The following ATP6V1H variants were observed in gnomAD, a reference collection of about 807,000 sequenced individuals.
ATP6V1H encodes the protein ATPase H+ transporting V1 subunit H.
Under a neutral mutation model 71.7 loss-of-function variants are expected in ATP6V1H, and 39 were observed. That is an observed-to-expected ratio of 0.54 (90% confidence interval 0.42 to 0.71). The LOEUF is 0.71. Among genes scored for constraint, ATP6V1H ranks in the 30% least tolerant of loss-of-function variants. ATP6V1H has a pLI of 0.00. For missense variants in ATP6V1H, 509 were observed against 594.9 expected, an observed-to-expected ratio of 0.86 and a Z score of 1.50; for synonymous variants, 192 against 199.3, an observed-to-expected ratio of 0.96 and a Z score of 0.31.
chr8:53,830,384 A>T (rs1377994917), intron 3 of ATP6V1H, among the ~76,000 whole-genome samples: 6 of 152,132 alleles, frequency 3.9e-5, no homozygotes, highest in Admixed American at 3.9e-4. Context: ...AAAAATGGAG[A>T]CCTTATCAAA....
At chr8:53,768,369 G>A (rs1265381980) in intron 11 of ATP6V1H, among the ~76,000 whole-genome samples, 2 of 152,176 alleles carry the variant, frequency 1.3e-5, no homozygotes, top group African/African-American at 4.8e-5. Context: ...TTGGAAAACA[G>A]TCTGGCAGTT....
intron 3 of ATP6V1H, among the ~76,000 whole-genome samples, chr8:53,830,020 T>C (rs756056640): frequency 6.6e-6 from 1 of 152,164 alleles, no homozygotes; most frequent in Non-Finnish European, 1.5e-5. Context: ...ATATATTACC[T>C]ACCAACTTCC....
intron 13 of ATP6V1H, among the ~76,000 whole-genome samples, chr8:53,737,482 C>T (rs1807259549): frequency 6.6e-6 from 1 of 152,202 alleles, no homozygotes; most frequent in African/African-American, 2.4e-5. Flanking sequence ...AGGAAAAACT[C>T]ATCCAAGAGA....
chr8:53,803,625 T>C (rs1809985696), intron 7 of ATP6V1H, among the ~76,000 whole-genome samples: 1 of 152,146 alleles, frequency 6.6e-6, no homozygotes, highest in African/African-American at 2.4e-5. Flanking sequence ...AAAGGTGATC[T>C]TGGGTTGTAC....
At chr8:53,789,723 C>G (rs1056852115) in intron 9 of ATP6V1H, among the ~76,000 whole-genome samples, 5 of 151,356 alleles carry the variant, frequency 3.3e-5, no homozygotes, top group Admixed American at 2.6e-4. Flanking sequence ...TATTAAAAGC[C>G]TATAACAAGA....
intron 9 of ATP6V1H, among the ~76,000 whole-genome samples, chr8:53,794,388 T>C (rs1372740793): frequency 3.3e-5 from 5 of 152,088 alleles, no homozygotes; most frequent in African/African-American, 1.2e-4. Flanking sequence ...TTTTTTGATA[T>C]GGAGTCTCAC....
intron 8 of ATP6V1H, among the ~76,000 whole-genome samples, chr8:53,798,873 T>A (rs72655186): frequency 6.6e-6 from 1 of 152,164 alleles, no homozygotes; most frequent in Non-Finnish European, 1.5e-5. Context: ...TTTATCCTGA[T>A]CTTTTTGCTG....
At position 53,840,900 on chromosome 8, in the gene ATP6V1H, T is replaced by C. The variant is rs185074703; in HGVS notation, c.113+678A>G. 2.2e-3 allele frequency among the ~76,000 whole-genome samples: 337 copies of C among 152,296 alleles called. 2 individuals carry two copies. The highest frequency in any genetic ancestry group is 7.7e-3 in the African/African-American group (321 of 41,566). The stretch of plus-strand genomic sequence containing the variant: ...CAAGAATACATGAATGCTCACTTTA[T>C]AGATAAATACAAAATACTGAAACAT... On this transcript the variant is annotated intron_variant, in intron 2 of 13. Coordinates refer to ENST00000359530, the MANE Select transcript of ATP6V1H (RefSeq NM_015941.4).
At chr8:53,838,878 T>A (rs933091544) in intron 2 of ATP6V1H, among the ~76,000 whole-genome samples, 5 of 152,208 alleles carry the variant, frequency 3.3e-5, no homozygotes. Context: ...TGATAGAAGA[T>A]TCACTGATTC....
intron 7 of ATP6V1H, among the ~76,000 whole-genome samples, chr8:53,807,508 A>G (rs1419763214): frequency 1.3e-5 from 2 of 152,200 alleles, no homozygotes; most frequent in African/African-American, 4.8e-5. Flanking sequence ...TAAAACACGG[A>G]TGAATCTTGA....
rs985541098 is a variant in ATP6V1H, at chr8:53,733,787, G to A, written c.1391+9790C>T. ...GCGACCACGAACCTTTTGAATAGGG[G>A]TCTCAACAGCAGCAAGCCTTCTGTG... On this transcript the variant is annotated intron_variant, in intron 13 of 13. Coordinates refer to ENST00000359530, the MANE Select transcript of ATP6V1H (RefSeq NM_015941.4). 7.9e-5 allele frequency among the ~76,000 whole-genome samples: 12 copies of A among 152,160 alleles called. No individual in the cohort carries two copies. In the East Asian group the frequency reaches 2.1e-3, roughly 27 times the overall value.
intron 12 of ATP6V1H, 63 bp from the exon 13 acceptor site, chr8:53,743,753 A>C (rs941967387): frequency 1.7e-6 from 2 of 1,184,334 alleles, no homozygotes; most frequent in Non-Finnish European, 2.4e-6. Context: ...GTTTGTAAGC[A>C]GGCAGCTCAA....
At chr8:53,729,555 G>A (rs1806942380) in intron 13 of ATP6V1H, among the ~76,000 whole-genome samples, 1 of 152,152 alleles carries the variant, frequency 6.6e-6, no homozygotes, top group Admixed American at 6.5e-5. Flanking sequence ...TACACCCTGG[G>A]GGCCACATGA....
At chr8:53,835,976 C>G (rs1226985873) in intron 2 of ATP6V1H, among the ~76,000 whole-genome samples, 3 of 152,182 alleles carry the variant, frequency 2.0e-5, no homozygotes, top group Non-Finnish European at 4.4e-5. Context: ...CAGTGGCACT[C>G]CACACCCTAC....
chr8:53,764,978 G>T lies in ATP6V1H; in HGVS notation c.1175+4640C>A, dbSNP rs1808400410. Among the ~76,000 whole-genome samples the T allele has an allele frequency of 3.3e-5, 5 of 152,146 alleles. No homozygotes were observed. In the South Asian group the frequency reaches 1.0e-3, roughly 32 times the overall value. ...AAAATAGCCGGGCATGGTGGTATGT[G>T]CCTGTAGTCCTAGCTGCTCAAGAGG... On this transcript the variant is annotated intron_variant, in intron 11 of 13. Coordinates refer to ENST00000359530, the MANE Select transcript of ATP6V1H (RefSeq NM_015941.4).
At chr8:53,830,238 T>C (rs1407384038) in intron 3 of ATP6V1H, among the ~76,000 whole-genome samples, 1 of 152,188 alleles carries the variant, frequency 6.6e-6, no homozygotes, top group Non-Finnish European at 1.5e-5. Flanking sequence ...CAGCATTCAG[T>C]AATAGGTTTG....
intron 9 of ATP6V1H, among the ~76,000 whole-genome samples, chr8:53,786,533 GCA>G (rs1376602397): frequency 6.6e-6 from 1 of 152,150 alleles, no homozygotes; most frequent in Non-Finnish European, 1.5e-5. Flanking sequence ...ACTGTGCGCT[GCA>G]CACACTGTCT....
rs148578655 is a variant in ATP6V1H, at chr8:53,731,308, T to C, written c.1391+12269A>G. Among the ~76,000 whole-genome samples the C allele has an allele frequency of 3.3e-5, 5 of 152,248 alleles. No homozygotes were observed. In the East Asian group the frequency reaches 7.7e-4, roughly 24 times the overall value. Reference sequence around the variant, plus strand: ...ATAAGGAAGGAGACCACCTCTCTTATTGTCTCATACCTCAGAAAAAGAAAG... The same window carrying C: ...ATAAGGAAGGAGACCACCTCTCTTACTGTCTCATACCTCAGAAAAAGAAAG... On this transcript the variant is annotated intron_variant, in intron 13 of 13. Coordinates refer to ENST00000359530, the MANE Select transcript of ATP6V1H (RefSeq NM_015941.4).
At position 53,783,516 on chromosome 8, in the gene ATP6V1H, A is replaced by C. The variant is rs188171252; in HGVS notation, c.871-11349T>G. Among the ~76,000 whole-genome samples the C allele has an allele frequency of 5.1e-3, 773 of 152,118 alleles. 2 individuals carry two copies. Among genetic ancestry groups the C allele is most frequent in the Non-Finnish European group, 9.2e-3 (624 of 67,988 alleles). ...AGCTCCTGGATTCATTGATTTTTTG[A>C]AGGGCTTTTTGTGTCTCTATCTCCT... On this transcript the variant is annotated intron_variant, in intron 9 of 13. Coordinates refer to ENST00000359530, the MANE Select transcript of ATP6V1H (RefSeq NM_015941.4).
Sources: allele counts gnomAD v4.1 joint callset (sites outside exome capture counted in the v4.1 genomes callset), GRCh38; gene constraint gnomAD v4.1.1; transcripts MANE v1.5; gene names NCBI Gene and HGNC (gene_info 2026-07-23, HGNC 2026-07-21).